Variants in SENP7 observed in about 807,000 individuals in gnomAD.
The protein encoded by SENP7 is sentrin-specific protease 7.
Under a neutral mutation model 141.2 loss-of-function variants are expected in SENP7, and 64 were observed. The observed-to-expected ratio is 0.45, with a 90% confidence interval of 0.37 to 0.56. SENP7 has a LOEUF of 0.56. SENP7 is among the 20% of genes least tolerant of loss of function. The probability of loss-of-function intolerance (pLI) is 0.00; values close to 1 mark genes in which losing one functional copy is unlikely to be tolerated. For synonymous variants in SENP7, 382 were observed against 426.4 expected, an observed-to-expected ratio of 0.90 and a Z score of 1.28; for missense variants, 1,025 against 1,212.2, an observed-to-expected ratio of 0.85 and a Z score of 2.29.
intron 5 of SENP7, among the ~76,000 whole-genome samples, chr3:101,405,090 G>A (rs1433546328): frequency 1.3e-5 from 2 of 152,098 alleles, no homozygotes; most frequent in African/African-American, 2.4e-5. Flanking sequence ...GTGGAAGCTC[G>A]CATCGTGAAT....
intron 10 of SENP7, chr3:101,363,284 G>T (rs879809752): frequency 5.6e-6 from 1 of 179,708 alleles, no homozygotes; most frequent in Admixed American, 6.5e-5. Flanking sequence ...CTTTTTTAGT[G>T]ATAAAATGAG....
At chr3:101,493,738 C>G (rs2065051424) in intron 3 of SENP7, 135 bp downstream of exon 3, 3 of 504,264 alleles carry the variant, frequency 5.9e-6, no homozygotes, top group Middle Eastern at 5.3e-4. Flanking sequence ...CAAAAATGAA[C>G]TAAAATCTGC....
At chr3:101,420,044 A>G (rs2107667141) in intron 4 of SENP7, among the ~76,000 whole-genome samples, 1 of 152,276 alleles carries the variant, frequency 6.6e-6, no homozygotes, top group African/African-American at 2.4e-5. Flanking sequence ...ATGACAGGAG[A>G]AGAGGCATTC....
chr3:101,501,508 G>T (rs1393897694), intron 1 of SENP7, among the ~76,000 whole-genome samples: 2 of 152,106 alleles, frequency 1.3e-5, no homozygotes, highest in Non-Finnish European at 2.9e-5. Context: ...TGAAATTCTA[G>T]AAGTTAGAAG....
chr3:101,505,757 A>G (rs957503230), intron 1 of SENP7, among the ~76,000 whole-genome samples: 1 of 152,164 alleles, frequency 6.6e-6, no homozygotes, highest in Non-Finnish European at 1.5e-5. Flanking sequence ...CATCTGTAAA[A>G]TGGCGGAGAA....
intron 3 of SENP7, among the ~76,000 whole-genome samples, chr3:101,490,709 CAA>C (rs2064932009): frequency 6.6e-6 from 1 of 151,966 alleles, no homozygotes; most frequent in Non-Finnish European, 1.5e-5. Context: ...AAATCACAAA[CAA>C]ATCAATAAAT....
chr3:101,375,630 G>T (rs2060306763), intron 6 of SENP7, among the ~76,000 whole-genome samples: 1 of 150,584 alleles, frequency 6.6e-6, no homozygotes, highest in Non-Finnish European at 1.5e-5. Flanking sequence ...ATACCCAAAG[G>T]AATTGAAAGC....
chr3:101,447,563 A>G (rs2062943455), intron 4 of SENP7, among the ~76,000 whole-genome samples: 1 of 152,218 alleles, frequency 6.6e-6, no homozygotes, highest in African/African-American at 2.4e-5. Flanking sequence ...ACTGAAAACC[A>G]CAAAACACTA....
chr3:101,439,998 G>C (rs1352222310), intron 4 of SENP7, among the ~76,000 whole-genome samples: 1 of 82,634 alleles, frequency 1.2e-5, no homozygotes. Flanking sequence ...GAGGTGAGGG[G>C]CGCCTCTGCC....
chr3:101,444,423 A>C (rs1275731962), intron 4 of SENP7, among the ~76,000 whole-genome samples: 1 of 152,156 alleles, frequency 6.6e-6, no homozygotes, highest in South Asian at 2.1e-4. Context: ...AATCAAGCTG[A>C]TATAAAGACA....
intron 1 of SENP7, among the ~76,000 whole-genome samples, chr3:101,512,821 G>A (rs1010392148): frequency 6.6e-6 from 1 of 152,210 alleles, no homozygotes; most frequent in African/African-American, 2.4e-5. Context: ...ATGGGCCGAT[G>A]AGACGCAAGG....
intron 3 of SENP7, among the ~76,000 whole-genome samples, chr3:101,485,943 G>A (rs780623778): frequency 6.6e-6 from 1 of 152,106 alleles, no homozygotes; most frequent in Non-Finnish European, 1.5e-5. Flanking sequence ...AGGAAACTTT[G>A]GACACACTTT....
intron 17 of SENP7, among the ~76,000 whole-genome samples, chr3:101,335,513 ATGTG>A (rs370610816): frequency 6.6e-6 from 1 of 150,396 alleles, no homozygotes; most frequent in Admixed American, 6.6e-5. Flanking sequence ...GCATGTGTAC[ATGTG>A]TGTGTGTGTG....
intron 3 of SENP7, among the ~76,000 whole-genome samples, chr3:101,489,971 G>A (rs1473545368): frequency 6.6e-6 from 1 of 152,176 alleles, no homozygotes; most frequent in Non-Finnish European, 1.5e-5. Context: ...GATCACCTGA[G>A]GTCAGGAGTT....
At chr3:101,480,980 T>C (rs1327498116) in intron 3 of SENP7, among the ~76,000 whole-genome samples, 4 of 146,416 alleles carry the variant, frequency 2.7e-5, no homozygotes. Flanking sequence ...AAAAAACAGA[T>C]GCTGGTGAGG....
intron 3 of SENP7, among the ~76,000 whole-genome samples, chr3:101,474,816 T>G (rs995779062): frequency 6.6e-6 from 1 of 152,192 alleles, no homozygotes; most frequent in East Asian, 1.9e-4. Flanking sequence ...GCTGTGGGCT[T>G]GTCATACATG....
At chr3:101,474,713 A>G (rs1421930617) in intron 3 of SENP7, among the ~76,000 whole-genome samples, 1 of 151,878 alleles carries the variant, frequency 6.6e-6, no homozygotes, top group Admixed American at 6.6e-5. Context: ...TTCCAATACT[A>G]TGTTGAATAA....
At chr3:101,326,958 T>C (rs2058916956) in intron 23 of SENP7, among the ~76,000 whole-genome samples, 1 of 152,126 alleles carries the variant, frequency 6.6e-6, no homozygotes, top group African/African-American at 2.4e-5. Context: ...TCTAGTCCTC[T>C]ATTAAACTTG....
intron 5 of SENP7, among the ~76,000 whole-genome samples, chr3:101,401,095 T>TCA (rs2061128475): frequency 9.8e-6 from 1 of 102,142 alleles, no homozygotes; most frequent in Non-Finnish European, 2.2e-5. Context: ...AGTCCTTGTC[T>TCA]CAAAAAAAAA....
Sources: gnomAD v4.1 joint callset for allele counts (sites outside exome capture counted in the v4.1 genomes callset) on GRCh38, gnomAD v4.1.1 for gene constraint, MANE v1.5 for transcripts, NCBI Gene and HGNC (gene_info 2026-07-23, HGNC 2026-07-21) for gene names.